Variants in CNTN5 observed in about 807,000 individuals in gnomAD.
CNTN5 encodes the protein contactin 5, also known as contactin-5.
A neutral mutation model predicts 129.1 loss-of-function variants in CNTN5; 77 were observed. The observed-to-expected ratio is 0.60, with a 90% CI of 0.50 to 0.72. The LOEUF (loss-of-function observed/expected upper bound fraction) is 0.72. Among genes scored for constraint, CNTN5 ranks in the 30% least tolerant of loss-of-function variants. CNTN5 has a pLI of 0.00. For synonymous variants in CNTN5, 509 were observed against 465.6 expected (o/e 1.09, Z -1.20); for missense variants, 1,478 against 1,328.8 (o/e 1.11, Z -1.75).
At chr11:100,026,754 G>C (rs1369501731) in intron 9 of CNTN5, among the ~76,000 whole-genome samples, 1 of 152,020 alleles carries the variant, frequency 6.6e-6, no homozygotes, top group Non-Finnish European at 1.5e-5. Flanking sequence ...AGTTTTAAGA[G>C]TCCCTTTTAT....
At chr11:100,039,463 C>G (rs540117303) in intron 9 of CNTN5, among the ~76,000 whole-genome samples, 3 of 152,016 alleles carry the variant, frequency 2.0e-5, no homozygotes, top group African/African-American at 7.2e-5. Context: ...TTGCTCTTCT[C>G]GAGGAGTATC....
intron 4 of CNTN5, among the ~76,000 whole-genome samples, chr11:99,842,520 A>T (rs117304066): frequency 1.3e-5 from 2 of 152,246 alleles, no homozygotes; most frequent in African/African-American, 4.8e-5. Flanking sequence ...TGGCTAAAAA[A>T]TACTACTACT....
intron 1 of CNTN5, among the ~76,000 whole-genome samples, chr11:99,160,672 T>G (rs1442156445): frequency 6.6e-6 from 1 of 152,074 alleles, no homozygotes; most frequent in Non-Finnish European, 1.5e-5. Context: ...TGACAGAAGG[T>G]AACTATAGAT....
chr11:100,270,265 T>C (rs968803006), intron 17 of CNTN5, among the ~76,000 whole-genome samples: 6 of 152,160 alleles, frequency 3.9e-5, no homozygotes, highest in African/African-American at 1.4e-4. Context: ...CATTCCACCT[T>C]GCTGTGGTAA....
At chr11:99,779,871 C>A (rs947708181) in intron 3 of CNTN5, among the ~76,000 whole-genome samples, 2 of 152,000 alleles carry the variant, frequency 1.3e-5, no homozygotes, top group Admixed American at 1.3e-4. Context: ...ACCCCATGAT[C>A]TGCTCCCTTC....
intron 21 of CNTN5, among the ~76,000 whole-genome samples, chr11:100,315,859 C>A (rs374341636): frequency 3.9e-5 from 6 of 152,126 alleles, no homozygotes; most frequent in East Asian, 3.9e-4. Context: ...ATGTAGAAAG[C>A]ACTGACACTG....
At chr11:99,297,905 C>T (rs749441324) in intron 1 of CNTN5, among the ~76,000 whole-genome samples, 14 of 152,142 alleles carry the variant, frequency 9.2e-5, no homozygotes, top group Admixed American at 3.9e-4. Context: ...GGATCCAAGC[C>T]AGTTCATTCC....
intron 8 of CNTN5, among the ~76,000 whole-genome samples, chr11:100,000,013 G>C (rs1459290634): frequency 2.0e-5 from 3 of 148,962 alleles, no homozygotes; most frequent in African/African-American, 7.5e-5. Flanking sequence ...GTTGTGGGGT[G>C]TGGGGAGCGG....
At chr11:99,151,865 C>T (rs1316746205) in intron 1 of CNTN5, among the ~76,000 whole-genome samples, 1 of 151,934 alleles carries the variant, frequency 6.6e-6, no homozygotes, top group African/African-American at 2.4e-5. Flanking sequence ...CACACCGGGG[C>T]CTGTCAGGGG....
intron 23 of CNTN5, among the ~76,000 whole-genome samples, chr11:100,342,689 T>C (rs1375088517): frequency 6.6e-6 from 1 of 152,178 alleles, no homozygotes; most frequent in Non-Finnish European, 1.5e-5. Context: ...AGGCAAGGAC[T>C]TTATCTTACT....
Position 99,637,592 on chromosome 11 carries a change from G to A in CNTN5, c.55+81323G>A, listed in dbSNP as rs189740585. ...ATTTTAAAAATCAGTATTTTTTTAA[G>A]TAGTAGGAAATGGGCATTTCTCATA... On this transcript the variant is annotated intron_variant, in intron 3 of 24. Coordinates refer to ENST00000524871, the MANE Select transcript of CNTN5 (RefSeq NM_014361.4). Among the ~76,000 whole-genome samples the A allele has an allele frequency of 1.2e-4, 19 of 152,154 alleles. 1 individual carries two copies. The highest frequency in any genetic ancestry group is 1.2e-3 in the Admixed American group (19 of 15,290).
intron 8 of CNTN5, among the ~76,000 whole-genome samples, chr11:99,967,035 C>G (rs1240419498): frequency 6.6e-6 from 1 of 152,084 alleles, no homozygotes; most frequent in Non-Finnish European, 1.5e-5. Context: ...TAAGAGAATG[C>G]TTCCTGGAAG....
intron 7 of CNTN5, among the ~76,000 whole-genome samples, chr11:99,921,322 C>A (rs1371463059): frequency 6.6e-6 from 1 of 152,154 alleles, no homozygotes; most frequent in Non-Finnish European, 1.5e-5. Context: ...TAGTTATTGT[C>A]ATTTCCTTGA....
chr11:99,802,254 C>T (rs763762601), intron 3 of CNTN5, among the ~76,000 whole-genome samples: 4 of 152,150 alleles, frequency 2.6e-5, no homozygotes, highest in Non-Finnish European at 4.4e-5. Context: ...AGCTAACATA[C>T]TGGGTAGCTA....
intron 1 of CNTN5, among the ~76,000 whole-genome samples, chr11:99,256,623 A>G (rs1381845153): frequency 1.3e-5 from 2 of 151,996 alleles, no homozygotes; most frequent in Non-Finnish European, 2.9e-5. Context: ...ATGGAAAATG[A>G]TTACATAATT....
chr11:99,258,095 T>C (rs962370227), intron 1 of CNTN5, among the ~76,000 whole-genome samples: 4 of 152,078 alleles, frequency 2.6e-5, no homozygotes, highest in African/African-American at 9.7e-5. Context: ...TCCATGTGAA[T>C]GCAATCTCAA....
intron 9 of CNTN5, among the ~76,000 whole-genome samples, chr11:100,027,767 T>C (rs569767425): frequency 6.6e-6 from 1 of 152,292 alleles, no homozygotes; most frequent in Non-Finnish European, 1.5e-5. Context: ...TGCTATGCTG[T>C]AGAGTGAAAA....
chr11:99,664,078 A>G (rs1157249313), intron 3 of CNTN5, among the ~76,000 whole-genome samples: 1 of 152,128 alleles, frequency 6.6e-6, no homozygotes, highest in Non-Finnish European at 1.5e-5. Context: ...ACCATGGCTT[A>G]ATTTGTAAGT....
At chr11:99,487,803 A>G (rs1945874780) in intron 2 of CNTN5, among the ~76,000 whole-genome samples, 1 of 152,246 alleles carries the variant, frequency 6.6e-6, no homozygotes, top group African/African-American at 2.4e-5. Flanking sequence ...ATAACAAAAT[A>G]TATAAATTAA....
Sources: allele counts gnomAD v4.1 joint callset (sites outside exome capture counted in the v4.1 genomes callset), GRCh38; gene constraint gnomAD v4.1.1; transcripts MANE v1.5; gene names NCBI Gene and HGNC (gene_info 2026-07-23, HGNC 2026-07-21).